FNDC3A: variants seen among roughly 807,000 people sequenced by gnomAD.
FNDC3A encodes the protein fibronectin type-III domain-containing protein 3A.
FNDC3A carries 32 observed loss-of-function variants against 148.9 expected under a neutral mutation model. The observed-to-expected ratio is 0.21, with a 90% CI of 0.16 to 0.29. The LOEUF is 0.29. Ranked by LOEUF, FNDC3A falls within the 10% of genes least tolerant of loss-of-function variation. The pLI is 1.00. For missense variants in FNDC3A, 1,191 were observed against 1,452.8 expected (o/e 0.82, Z 2.93); for synonymous variants, 472 against 473.6 (o/e 1.00, Z 0.04).
intron 3 of FNDC3A, among the ~76,000 whole-genome samples, chr13:49,077,171 G>A (rs1397101399): frequency 2.0e-5 from 3 of 152,230 alleles, no homozygotes; most frequent in Non-Finnish European, 2.9e-5. Context: ...CTACTCGAGA[G>A]ATAAGGTTGG....
chr13:49,113,323 T>C (rs1464371544), intron 3 of FNDC3A, among the ~76,000 whole-genome samples: 1 of 151,728 alleles, frequency 6.6e-6, no homozygotes, highest in Non-Finnish European at 1.5e-5. Flanking sequence ...TCACCCCGTT[T>C]AGTAGTTTCC....
intron 2 of FNDC3A, among the ~76,000 whole-genome samples, chr13:49,010,701 T>G (rs1023522704): frequency 8.5e-5 from 13 of 152,164 alleles, no homozygotes; most frequent in Admixed American, 5.2e-4. Flanking sequence ...CTAAGAGATA[T>G]AATACTGCCA....
intron 2 of FNDC3A, among the ~76,000 whole-genome samples, chr13:49,015,118 T>G (rs929904646): frequency 2.7e-4 from 41 of 152,192 alleles, no homozygotes; most frequent in Admixed American, 4.6e-4. Context: ...TAAAGTAGTT[T>G]TTTCCAATTC....
Position 49,201,789 on chromosome 13 carries a change from T to A in FNDC3A, c.2988-11T>A, listed in dbSNP as rs1237193908. On this transcript the variant is annotated splice_polypyrimidine_tract_variant and intron_variant, in intron 23 of 25. Coordinates refer to ENST00000492622, the MANE Select transcript of FNDC3A (RefSeq NM_001079673.2). ...AGTATAAGGTTTATCTAATAGTTAT[T>A]TCCATTTTAGGTTTGTATCCCTATA... 5.0e-6 allele frequency: 7 copies of A among 1,393,194 alleles called. No homozygotes were observed. Among genetic ancestry groups the A allele is most frequent in the East Asian group, 2.6e-5 (1 of 38,576 alleles). The allele number at this position is 1,393,194 out of a possible 1,614,324, so 86.3% of individuals were successfully genotyped here.
chr13:49,113,987 T>G (rs1880753218), intron 3 of FNDC3A, among the ~76,000 whole-genome samples: 1 of 151,990 alleles, frequency 6.6e-6, no homozygotes, highest in Admixed American at 6.5e-5. Context: ...TGAGAGAAGC[T>G]GAATTTTCTT....
intron 2 of FNDC3A, among the ~76,000 whole-genome samples, chr13:49,059,926 T>C (rs1876543160): frequency 6.6e-6 from 1 of 152,202 alleles, no homozygotes; most frequent in African/African-American, 2.4e-5. Context: ...ATGCTCAACA[T>C]CATTAGTCAT....
intron 2 of FNDC3A, among the ~76,000 whole-genome samples, chr13:49,037,817 C>G (rs1233302346): frequency 6.6e-6 from 1 of 152,074 alleles, no homozygotes; most frequent in East Asian, 1.9e-4. Flanking sequence ...GTGCTCTGGC[C>G]CCATGATAGT....
chr13:49,007,166 A>G (rs1952237498), intron 2 of FNDC3A, among the ~76,000 whole-genome samples: 2 of 152,122 alleles, frequency 1.3e-5, no homozygotes, highest in Admixed American at 1.3e-4. Flanking sequence ...CTTAAAAACA[A>G]GAAAGTCAGA....
intron 3 of FNDC3A, among the ~76,000 whole-genome samples, chr13:49,111,517 G>A (rs1241062446): frequency 6.6e-6 from 1 of 152,046 alleles, no homozygotes; most frequent in Non-Finnish European, 1.5e-5. Flanking sequence ...CCTGAGGTTA[G>A]GAGTTCAAGA....
intron 3 of FNDC3A, among the ~76,000 whole-genome samples, chr13:49,092,337 T>G (rs1429872121): frequency 1.3e-5 from 2 of 152,234 alleles, no homozygotes; most frequent in Non-Finnish European, 2.9e-5. Context: ...GCATTGTGCC[T>G]CTTTCTTGGT....
chr13:49,188,454 A>G (rs1383456884), intron 16 of FNDC3A, 61 bp from the exon 17 acceptor site: 4 of 993,550 alleles, frequency 4.0e-6, no homozygotes, highest in African/African-American at 1.6e-5. Flanking sequence ...TGATGTGTCC[A>G]TGATACCAGA....
intron 7 of FNDC3A, among the ~76,000 whole-genome samples, chr13:49,144,577 G>A (rs1882884359): frequency 6.6e-6 from 1 of 152,014 alleles, no homozygotes; most frequent in Admixed American, 6.6e-5. Flanking sequence ...ATATAATCTG[G>A]TACCTTTCTC....
chr13:49,055,257 C>T (rs1876145246), intron 2 of FNDC3A, among the ~76,000 whole-genome samples: 1 of 152,114 alleles, frequency 6.6e-6, no homozygotes, highest in Non-Finnish European at 1.5e-5. Context: ...GCATGCACCA[C>T]TACACCCAGC....
At chr13:49,042,168 A>G (rs1258461849) in intron 2 of FNDC3A, among the ~76,000 whole-genome samples, 1 of 152,180 alleles carries the variant, frequency 6.6e-6, no homozygotes, top group Non-Finnish European at 1.5e-5. Flanking sequence ...CAACTTATAT[A>G]TCAATAGAAA....
In FNDC3A at chr13:49,191,317, G is replaced by A. The variant is rs945987751; in HGVS notation, c.2159G>A (p.Cys720Tyr). ...REVYQGSEVE[C>Y]TVSSLLPGKT... ...GTTTACCAAGGTTCTGAAGTAGAAT[G>A]TACAGTGAGCAGCCTTCTTCCTGGA... is the stretch of plus-strand genomic sequence containing the variant. The change falls in exon 19 of 26, where the codon TGT becomes TAT. Residue 720 changes from cysteine to tyrosine, a missense_variant. Physicochemically the swap from Cys to Tyr is radical, Grantham distance 194. Coordinates refer to ENST00000492622, the MANE Select transcript of FNDC3A (RefSeq NM_001079673.2). The A allele has an allele frequency of 2.5e-6, 4 of 1,613,254 alleles. No homozygotes were observed. The highest frequency in any genetic ancestry group is 1.3e-5 in the African/African-American group (1 of 74,896).
chr13:49,208,860 CTT>C lies in FNDC3A; in HGVS notation c.*1467_*1468del, dbSNP rs1385679861. 2.0e-5 allele frequency: 3 copies of C among 152,566 alleles called. No homozygotes were observed. Among genetic ancestry groups the C allele is most frequent in the Admixed American group, 2.0e-4 (3 of 15,290 alleles). The allele number at this position is 152,566 out of a possible 1,614,324, so 9.5% of individuals were successfully genotyped here. ...GTGATTATTAAGCACTTCTGTCAGT[CTT>C]TGAAAAAAGAACGTATTTTTTGTGC... On this transcript the variant is annotated 3_prime_UTR_variant, in exon 26 of 26. Coordinates refer to ENST00000492622, the MANE Select transcript of FNDC3A (RefSeq NM_001079673.2).
intron 3 of FNDC3A, chr13:49,110,350 C>G (rs568167673): frequency 1.2e-5 from 19 of 1,610,252 alleles, no homozygotes; most frequent in African/African-American, 5.4e-5. Flanking sequence ...GTGTACTACG[C>G]TGTTTCCTTG....
intron 1 of FNDC3A, among the ~76,000 whole-genome samples, chr13:48,989,089 A>G (rs1429857049): frequency 6.6e-6 from 1 of 152,218 alleles, no homozygotes; most frequent in African/African-American, 2.4e-5. Flanking sequence ...CAAGGCATTC[A>G]GTAGAGTACT....
In FNDC3A at chr13:49,198,241, A is replaced by G. The variant is rs367929005; in HGVS notation, c.2750A>G (p.Asn917Ser). 9.3e-6 allele frequency: 15 copies of G among 1,613,896 alleles called. No individual in the cohort carries two copies. Among genetic ancestry groups the G allele is most frequent in the African/African-American group, 2.7e-5 (2 of 74,934 alleles). Residue 917 changes from asparagine to serine, a missense_variant, in exon 22 of 26, where the codon AAT (asparagine) becomes AGT (serine). Around this residue, in one of 3 missense-constraint regions of FNDC3A, gnomAD observed 751 missense variants for 944.0 expected, o/e 0.80. Transcript: ENST00000492622. ...VGKVTSYIIN[N>S]LQPDTTYRIR... ...AAGGTTACAAGCTATATTATCAACA[A>G]TTTGCAACCAGATACAACATACAGG...
Sources: gnomAD v4.1 joint callset for allele counts (sites outside exome capture counted in the v4.1 genomes callset) on GRCh38, gnomAD v4.1.1 for gene constraint, gnomAD v4.1.1 regional missense constraint, MANE v1.5 for transcripts, NCBI Gene and HGNC (gene_info 2026-07-23, HGNC 2026-07-21) for gene names.